The following FAT3 variants were observed in gnomAD, a reference collection of about 807,000 sequenced individuals.
FAT3 encodes protocadherin Fat 3.
FAT3 carries 95 observed loss-of-function variants against 310.2 expected under a neutral mutation model. The ratio of observed to expected loss-of-function variants is 0.31; its 90% CI spans 0.26 to 0.36. FAT3 has a LOEUF of 0.36. FAT3 is among the 10% of genes least tolerant of loss of function. The pLI is 1.00. For synonymous variants in FAT3, 2,314 were observed against 2,192.9 expected (o/e 1.06, Z -1.54); for missense variants, 5,408 against 5,715.6 (o/e 0.95, Z 1.74).
At chr11:92,732,013 CCTT>C (rs1945196868) in intron 4 of FAT3, among the ~76,000 whole-genome samples, 1 of 152,126 alleles carries the variant, frequency 6.6e-6, no homozygotes. Context: ...TCTCCTGTCA[CCTT>C]CTTCAGATTT....
At chr11:92,763,250 G>A (rs1315112644) in intron 5 of FAT3, among the ~76,000 whole-genome samples, 1 of 151,984 alleles carries the variant, frequency 6.6e-6, no homozygotes, top group African/African-American at 2.4e-5. Context: ...GATGGCCTGA[G>A]TCCCTTGATT....
intron 4 of FAT3, among the ~76,000 whole-genome samples, chr11:92,753,500 C>G (rs530846286): frequency 1.3e-4 from 20 of 152,240 alleles, no homozygotes; most frequent in Non-Finnish European, 2.6e-4. Context: ...TAGGAAGCTC[C>G]AAGCACTCTA....
intron 16 of FAT3, 127 bp downstream of exon 16, chr11:92,836,830 G>T: frequency 9.3e-7 from 1 of 1,079,720 alleles, no homozygotes; most frequent in Non-Finnish European, 1.3e-6. Context: ...ATAAGGATGG[G>T]CTAAAATGCA....
chr11:92,279,227 A>T (rs1192870149), intron 1 of FAT3, among the ~76,000 whole-genome samples: 1 of 152,112 alleles, frequency 6.6e-6, no homozygotes, highest in African/African-American at 2.4e-5. Flanking sequence ...GCTTCTGTCC[A>T]TGGAGTGATC....
chr11:92,639,476 CTCTT>C (rs993886172), intron 3 of FAT3, among the ~76,000 whole-genome samples: 1 of 152,172 alleles, frequency 6.6e-6, no homozygotes, highest in Non-Finnish European at 1.5e-5. Context: ...GATCACTTCT[CTCTT>C]TCTCTCTCTC....
chr11:92,853,495 C>A (rs992345837), intron 19 of FAT3, among the ~76,000 whole-genome samples: 4 of 152,170 alleles, frequency 2.6e-5, no homozygotes. Context: ...GTTTTTCAGC[C>A]CTGTTTGTGT....
At chr11:92,418,189 G>A (rs1037595875) in intron 2 of FAT3, among the ~76,000 whole-genome samples, 6 of 152,050 alleles carry the variant, frequency 3.9e-5, no homozygotes, top group Admixed American at 3.9e-4. Context: ...GCAAATGAAG[G>A]AGAATAATTC....
chr11:92,686,926 T>G lies in FAT3; in HGVS notation c.3608-10458T>G, dbSNP rs1943649819. On this transcript the variant is annotated intron_variant, in intron 3 of 27. Coordinates refer to ENST00000525166, the MANE Select transcript of FAT3 (RefSeq NM_001367949.2). ...GACATGATTTCTAAGGGGAGTGCAGTGGCTGTTTTCACACCTCAAGTGTGT... is the reference window on the plus strand; with the variant it reads ...GACATGATTTCTAAGGGGAGTGCAGGGGCTGTTTTCACACCTCAAGTGTGT... Among the ~76,000 whole-genome samples, 5 of 152,304 alleles carry G rather than the reference T, an allele frequency of 3.3e-5. No homozygotes were observed. The South Asian group carries it at 1.0e-3, about 32-fold the overall frequency.
intron 1 of FAT3, among the ~76,000 whole-genome samples, chr11:92,330,963 A>AGG (rs1441128217): frequency 1.3e-3 from 183 of 136,038 alleles, no homozygotes; most frequent in African/African-American, 5.6e-3. Context: ...ACAGGAGTAA[A>AGG]GGGTGTGTGT....
intron 6 of FAT3, among the ~76,000 whole-genome samples, chr11:92,767,716 G>C (rs1221559940): frequency 6.6e-6 from 1 of 152,084 alleles, no homozygotes; most frequent in Non-Finnish European, 1.5e-5. Flanking sequence ...GATGAGTGCT[G>C]CTGTATGTTT....
intron 2 of FAT3, among the ~76,000 whole-genome samples, chr11:92,414,630 A>G (rs921589177): frequency 5.3e-5 from 8 of 152,164 alleles, no homozygotes; most frequent in Admixed American, 5.2e-4. Flanking sequence ...TCTTTCTTGG[A>G]AACATGGTTG....
chr11:92,586,950 G>C (rs774254928), intron 3 of FAT3, among the ~76,000 whole-genome samples: 2 of 151,930 alleles, frequency 1.3e-5, no homozygotes, highest in African/African-American at 2.4e-5. Context: ...TTCTTGCCTT[G>C]TAGTAATTTC....
At chr11:92,226,903 T>G (rs1305300193) in intron 1 of FAT3, among the ~76,000 whole-genome samples, 2 of 152,046 alleles carry the variant, frequency 1.3e-5, no homozygotes, top group Admixed American at 1.3e-4. Flanking sequence ...TCTCCCCTCC[T>G]CCCGCTCCTC....
intron 2 of FAT3, among the ~76,000 whole-genome samples, chr11:92,517,314 C>CCG (rs1953519202): frequency 6.6e-6 from 1 of 152,012 alleles, no homozygotes; most frequent in Non-Finnish European, 1.5e-5. Flanking sequence ...ACAGAGGCCC[C>CCG]AGAAATAACC....
chr11:92,273,123 C>T (rs771431122), intron 1 of FAT3, among the ~76,000 whole-genome samples: 5 of 152,106 alleles, frequency 3.3e-5, no homozygotes, highest in Non-Finnish European at 7.4e-5. Context: ...CCTATTCTAA[C>T]AATAGTATCT....
chr11:92,709,870 C>T (rs1239058275), intron 4 of FAT3, among the ~76,000 whole-genome samples: 1 of 152,130 alleles, frequency 6.6e-6, no homozygotes, highest in African/African-American at 2.4e-5. Flanking sequence ...AAAAGCAGTT[C>T]CTAAATCACA....
At chr11:92,279,330 C>T (rs906056508) in intron 1 of FAT3, among the ~76,000 whole-genome samples, 1 of 152,086 alleles carries the variant, frequency 6.6e-6, no homozygotes. Context: ...TACAGGGGTT[C>T]TTTACTGTCT....
chr11:92,663,521 G>A (rs1314602061), intron 3 of FAT3, among the ~76,000 whole-genome samples: 5 of 152,104 alleles, frequency 3.3e-5, no homozygotes, highest in Non-Finnish European at 7.3e-5. Flanking sequence ...ACTCTGTCTG[G>A]ATTTTATGTG....
intron 13 of FAT3, among the ~76,000 whole-genome samples, chr11:92,822,372 C>T (rs1195542956): frequency 6.6e-6 from 1 of 151,884 alleles, no homozygotes; most frequent in Non-Finnish European, 1.5e-5. Context: ...ATCGAACACT[C>T]GGCAATGCAG....
Sources: allele counts gnomAD v4.1 joint callset (sites outside exome capture counted in the v4.1 genomes callset), GRCh38; gene constraint gnomAD v4.1.1; transcripts MANE v1.5; gene names NCBI Gene and HGNC (gene_info 2026-07-23, HGNC 2026-07-21).